The following OPCML variants were observed in gnomAD, a reference collection of about 807,000 sequenced individuals.
The protein encoded by OPCML is opioid-binding protein/cell adhesion molecule.
OPCML carries 13 observed loss-of-function variants against 37.8 expected under a neutral mutation model. The ratio of observed to expected loss-of-function variants is 0.34; its 90% CI spans 0.22 to 0.55. The LOEUF (loss-of-function observed/expected upper bound fraction) is 0.55, where lower values mean the gene tolerates loss of function less well. OPCML is among the 20% of genes least tolerant of loss of function. OPCML has a pLI of 0.91. For missense variants in OPCML, 341 were observed against 435.6 expected, an observed-to-expected ratio of 0.78 and a Z score of 1.93; for synonymous variants, 176 against 168.8, an observed-to-expected ratio of 1.04 and a Z score of -0.33.
intron 1 of OPCML, among the ~76,000 whole-genome samples, chr11:133,022,645 A>G (rs1473087203): frequency 6.6e-6 from 1 of 152,162 alleles, no homozygotes; most frequent in Non-Finnish European, 1.5e-5. Flanking sequence ...AGAAGTCCAG[A>G]TAAATATTCA....
intron 2 of OPCML, among the ~76,000 whole-genome samples, chr11:132,668,293 C>A (rs758643275): frequency 6.6e-6 from 1 of 152,028 alleles, no homozygotes; most frequent in Non-Finnish European, 1.5e-5. Flanking sequence ...TGAGGTTTTG[C>A]GAAATGTATA....
Position 132,760,408 on chromosome 11 carries a change from TC to T in OPCML, c.147-103090del, listed in dbSNP as rs201182781. Reference sequence around the variant, plus strand: ...ATATTGACAGTCGAGTGTTAAAGTCTCCCCCTCTTATTGTGTGGGAGTCTGA... The same window carrying T: ...ATATTGACAGTCGAGTGTTAAAGTCTCCCCTCTTATTGTGTGGGAGTCTGA... On this transcript the variant is annotated intron_variant, in intron 2 of 7. Transcript: ENST00000524381. Among the ~76,000 whole-genome samples, 1,389 of 152,278 alleles carry T rather than the reference TC, an allele frequency of 9.1e-3. 18 individuals carry two copies. Among genetic ancestry groups the T allele is most frequent in the African/African-American group, 0.032 (1,314 of 41,542 alleles).
chr11:132,527,653 C>A (rs2096312131), intron 4 of OPCML, among the ~76,000 whole-genome samples: 1 of 151,742 alleles, frequency 6.6e-6, no homozygotes, highest in South Asian at 2.1e-4. Flanking sequence ...ATGTTTTTAT[C>A]CAGTCTGTGT....
chr11:133,136,038 AT>A (rs1381682072), intron 1 of OPCML, among the ~76,000 whole-genome samples: 1 of 152,156 alleles, frequency 6.6e-6, no homozygotes, highest in African/African-American at 2.4e-5. Flanking sequence ...CTTCACCCAT[AT>A]TTATTCAAAA....
chr11:133,429,915 G>C (rs1407920789), intron 1 of OPCML, among the ~76,000 whole-genome samples: 1 of 152,150 alleles, frequency 6.6e-6, no homozygotes, highest in Non-Finnish European at 1.5e-5. Context: ...TACGATCATA[G>C]ACCCTGAAGT....
rs1313500258 is a variant in OPCML at position 132,687,410 on chromosome 11, ATATATATATATATATATATT to A, written c.147-30111_147-30092del. ...TATATATATATATATATATATATATATATATATATATATATATATTTAATCTGTATAGCAAGAAGTGCTGT... is the reference window on the plus strand; with the variant it reads ...TATATATATATATATATATATATATATAATCTGTATAGCAAGAAGTGCTGT... On this transcript the variant is annotated intron_variant, in intron 2 of 7. Coordinates refer to ENST00000524381, the MANE Select transcript of OPCML (RefSeq NM_001012393.5). 8.4e-5 allele frequency among the ~76,000 whole-genome samples: 8 copies of A among 95,058 alleles called. No individual in the cohort carries two copies. The Admixed American group carries it at 8.7e-4, about 10-fold the overall frequency. 62.4% of individuals were successfully genotyped at this position (95,058 alleles called of 152,430 possible).
At chr11:132,443,825 A>G (rs2136793860) in intron 4 of OPCML, among the ~76,000 whole-genome samples, 1 of 152,340 alleles carries the variant, frequency 6.6e-6, no homozygotes, top group Non-Finnish European at 1.5e-5. Context: ...CTGAGGAGAC[A>G]TGTGCCTGAA....
rs542741563 is a variant in OPCML at position 133,383,914 on chromosome 11, G to T, written c.61+148350C>A. Among the ~76,000 whole-genome samples the T allele has an allele frequency of 2.6e-5, 4 of 152,218 alleles. No individual in the cohort carries two copies. The South Asian group carries it at 8.3e-4, about 32-fold the overall frequency. ...AATATGCTTCATGCTACAGTGCAGG[G>T]AGATAAGAGAAGGGTGCAGGCTTGT... On this transcript the variant is annotated intron_variant, in intron 1 of 7. Coordinates refer to ENST00000524381, the MANE Select transcript of OPCML (RefSeq NM_001012393.5).
chr11:132,812,099 C>T (rs1421197632), intron 2 of OPCML, among the ~76,000 whole-genome samples: 1 of 152,142 alleles, frequency 6.6e-6, no homozygotes, highest in Non-Finnish European at 1.5e-5. Context: ...CCAGCTTCTT[C>T]AGGGGTCCTT....
chr11:133,204,874 A>ATG (rs1938971217), intron 1 of OPCML, among the ~76,000 whole-genome samples: 1 of 18,962 alleles, frequency 5.3e-5, no homozygotes, highest in Non-Finnish European at 1.3e-4. Context: ...ATGTGTATAT[A>ATG]TATATATATA....
chr11:132,661,101 A>C (rs1565755574), intron 2 of OPCML, among the ~76,000 whole-genome samples: 2 of 152,118 alleles, frequency 1.3e-5, no homozygotes, highest in African/African-American at 4.8e-5. Context: ...GCCAGAACAC[A>C]CTGTCATTGC....
At chr11:133,488,279 G>GA (rs1242198392) in intron 1 of OPCML, among the ~76,000 whole-genome samples, 2 of 151,934 alleles carry the variant, frequency 1.3e-5, no homozygotes, top group South Asian at 2.1e-4. Flanking sequence ...TCAGGCAAGA[G>GA]AAAAAAATAA....
At chr11:133,010,021 T>C (rs1001131427) in intron 1 of OPCML, among the ~76,000 whole-genome samples, 1 of 152,204 alleles carries the variant, frequency 6.6e-6, no homozygotes, top group African/African-American at 2.4e-5. Flanking sequence ...CCCTAGTCCC[T>C]TTTCATATCC....
At chr11:133,439,675 G>A (rs1488212022) in intron 1 of OPCML, among the ~76,000 whole-genome samples, 3 of 149,272 alleles carry the variant, frequency 2.0e-5, no homozygotes, top group Non-Finnish European at 4.5e-5. Flanking sequence ...CACCGTTTTA[G>A]CCAGGATGGT....
chr11:133,168,577 G>T (rs1335953762), intron 1 of OPCML, among the ~76,000 whole-genome samples: 2 of 152,178 alleles, frequency 1.3e-5, no homozygotes, highest in Non-Finnish European at 2.9e-5. Flanking sequence ...ATAAAATATG[G>T]TACAGTTTAT....
intron 1 of OPCML, among the ~76,000 whole-genome samples, chr11:133,190,093 C>A (rs966452610): frequency 1.3e-5 from 2 of 152,188 alleles, no homozygotes; most frequent in Admixed American, 6.5e-5. Context: ...ATCCTACAGA[C>A]AGTAGCACAC....
chr11:132,837,626 G>A (rs1941092087), intron 2 of OPCML, among the ~76,000 whole-genome samples: 1 of 152,166 alleles, frequency 6.6e-6, no homozygotes, highest in Non-Finnish European at 1.5e-5. Flanking sequence ...TACATACAAA[G>A]GTGTGCAGGG....
At chr11:132,620,992 C>G (rs771422963) in intron 3 of OPCML, among the ~76,000 whole-genome samples, 5 of 152,212 alleles carry the variant, frequency 3.3e-5, no homozygotes, top group Non-Finnish European at 7.3e-5. Context: ...TCTGAGCAAG[C>G]AAACAAAGGT....
chr11:132,751,462 A>G (rs900593503), intron 2 of OPCML, among the ~76,000 whole-genome samples: 1 of 152,216 alleles, frequency 6.6e-6, no homozygotes, highest in African/African-American at 2.4e-5. Context: ...TTTCAGTCAA[A>G]TACTAAATTC....
Sources: allele counts gnomAD v4.1 joint callset (sites outside exome capture counted in the v4.1 genomes callset), GRCh38; gene constraint gnomAD v4.1.1; transcripts MANE v1.5; gene names NCBI Gene and HGNC (gene_info 2026-07-23, HGNC 2026-07-21).